DBR1: variants seen among roughly 807,000 people sequenced by gnomAD.
The protein encoded by DBR1 is lariat debranching enzyme.
A neutral mutation model predicts 45.9 loss-of-function variants in DBR1; 33 were observed. That is an observed-to-expected ratio of 0.72 (90% confidence interval 0.55 to 0.96). DBR1 has a LOEUF of 0.96. Among genes scored for constraint, DBR1 ranks in the 40% least tolerant of loss-of-function variants. DBR1 has a pLI of 0.00. For synonymous variants in DBR1, 235 were observed against 235.9 expected (o/e 1.00, Z 0.04); for missense variants, 619 against 667.4 (o/e 0.93, Z 0.80).
At position 138,161,933 on chromosome 3, in the gene DBR1, C is replaced by T. The variant is rs758912884; in HGVS notation, c.1591G>A (p.Ala531Thr). The T allele has an allele frequency of 4.3e-6, 7 of 1,614,032 alleles. No individual in the cohort carries two copies. The highest frequency in any genetic ancestry group is 5.9e-6 in the Non-Finnish European group (7 of 1,180,000). The stretch of plus-strand genomic sequence containing the variant: ...TCATCATCCACTGCAGCGTAAATGG[C>T]TTGATTCCTCCTCTTAATTTTCTTT... The part of the protein sequence containing the change: ...QRKKIKRRNQ[A>T]IYAAVDDDDD... Residue 531 changes from alanine (A) to threonine (T), a missense_variant, in exon 8 of 8, where the codon GCC (alanine) becomes ACC (threonine). Coordinates refer to ENST00000260803, the MANE Select transcript of DBR1 (RefSeq NM_016216.4).
At chr3:138,164,829 T>C (rs1383700210) in intron 5 of DBR1, among the ~76,000 whole-genome samples, 1 of 152,194 alleles carries the variant, frequency 6.6e-6, no homozygotes, top group East Asian at 1.9e-4. Flanking sequence ...GTATTTTTAG[T>C]AGAGATGGAG....
rs1010704738 is a variant in DBR1, at chr3:138,164,121, A to G, written c.715-263T>C. On this transcript the variant is annotated intron_variant, in intron 5 of 7. Transcript: ENST00000260803. ...GATGATGATGATGTTAACTCAAAGC[A>G]TTGAACACACATAAATCAAAGCATA... is the stretch of plus-strand genomic sequence containing the variant. 55 of 261,936 alleles carry G rather than the reference A, an allele frequency of 2.1e-4. No individual in the cohort carries two copies. In the Middle Eastern group the frequency reaches 5.2e-3, roughly 25 times the overall value. The allele number at this position is 261,936 out of a possible 1,614,324, so 16.2% of individuals were successfully genotyped here. A position where few individuals can be genotyped will look rare whatever the true frequency, so the allele number is the denominator to read the frequency against.
chr3:138,161,675 G>C lies in DBR1; in HGVS notation c.*214C>G. On this transcript the variant is annotated 3_prime_UTR_variant, in exon 8 of 8. Transcript: ENST00000260803. ...AGCCTGGCCAACACGGTGAAACCCT[G>C]TCATTACTAAAAATGCAAAAATTAG... The C allele has an allele frequency of 4.2e-6, 2 of 477,708 alleles. No homozygotes were observed. Among genetic ancestry groups the C allele is most frequent in the Non-Finnish European group, 7.6e-6 (2 of 261,770 alleles). 29.6% of individuals were successfully genotyped at this position (477,708 alleles called of 1,614,324 possible). A position where few individuals can be genotyped will look rare whatever the true frequency, so the allele number is the denominator to read the frequency against.
intron 5 of DBR1, among the ~76,000 whole-genome samples, chr3:138,166,494 C>T (rs1160664121): frequency 6.6e-6 from 1 of 152,166 alleles, no homozygotes; most frequent in African/African-American, 2.4e-5. Context: ...AAATAGCCTG[C>T]TCTGCCTCCC....
intron 5 of DBR1, among the ~76,000 whole-genome samples, chr3:138,166,818 T>C (rs1377480012): frequency 1.3e-5 from 2 of 152,206 alleles, no homozygotes; most frequent in African/African-American, 4.8e-5. Context: ...TCAGTTCAGC[T>C]ATCACCTTTT....
Position 138,162,300 on chromosome 3 carries a change from T to C in DBR1, c.1224A>G (p.Gly408=). 6.2e-7 allele frequency: 1 copy of C among 1,614,084 alleles called. No homozygotes were observed. Among genetic ancestry groups the C allele is most frequent in the Non-Finnish European group, 8.5e-7 (1 of 1,179,908 alleles). ...CTGTATTATATTCACTCTGGTCTTC[T>C]CCAGAGTCATTACTCTCCACATCAT... is the stretch of plus-strand genomic sequence containing the variant. ...EQDDVESNDS[G]EDQSEYNTDT... Residue 408 remains glycine, a synonymous_variant, in exon 8 of 8, where the codon GGA becomes GGG. Transcript: ENST00000260803.
chr3:138,170,324 A>AT (rs1442520012), intron 3 of DBR1, 132 bp from the exon 4 acceptor site: 2 of 585,358 alleles, frequency 3.4e-6, no homozygotes, highest in Admixed American at 7.7e-5. Flanking sequence ...ATCTAGGGAA[A>AT]TTTTTTAAAA....
chr3:138,167,414 T>C, intron 4 of DBR1, 109 bp from the exon 5 acceptor site: 1 of 703,248 alleles, frequency 1.4e-6, no homozygotes, highest in Non-Finnish European at 2.4e-6. Flanking sequence ...CTGAGATCTC[T>C]AGAATTCTGT....
chr3:138,174,250 C>T (rs2042968258), intron 1 of DBR1, among the ~76,000 whole-genome samples: 2 of 152,096 alleles, frequency 1.3e-5, no homozygotes, highest in African/African-American at 2.4e-5. Flanking sequence ...CTATCAAGTA[C>T]AAGGTAGCTA....
At chr3:138,163,305 T>A (rs1302205658) in intron 7 of DBR1, 44 bp downstream of exon 7, 1 of 1,595,810 alleles carries the variant, frequency 6.3e-7, no homozygotes, top group Non-Finnish European at 8.6e-7. Context: ...ATAAAAATTA[T>A]GCATGCAATG....
At position 138,174,829 on chromosome 3, in the gene DBR1, A is replaced by G. The variant is rs891292139; in HGVS notation, c.-34T>C. The stretch of plus-strand genomic sequence containing the variant: ...CCTGAGGAGGTGAGCGCTGCCTGCA[A>G]CGCCCTACACCACAGCCAGCCCAGG... On this transcript the variant is annotated 5_prime_UTR_variant, in exon 1 of 8. Coordinates refer to ENST00000260803, the MANE Select transcript of DBR1 (RefSeq NM_016216.4). 1.5e-5 allele frequency: 24 copies of G among 1,592,858 alleles called. No homozygotes were observed. Among genetic ancestry groups the G allele is most frequent in the African/African-American group, 2.7e-5 (2 of 74,598 alleles).
At chr3:138,162,974 G>A (rs2042914692) in intron 7 of DBR1, among the ~76,000 whole-genome samples, 1 of 152,140 alleles carries the variant, frequency 6.6e-6, no homozygotes, top group African/African-American at 2.4e-5. Context: ...AACAAAGGTG[G>A]AGGCCAGATA....
At chr3:138,162,693 A>G (rs1026855521) in intron 7 of DBR1, 111 bp from the exon 8 acceptor site, 1 of 954,326 alleles carries the variant, frequency 1.0e-6, no homozygotes, top group East Asian at 2.5e-5. Flanking sequence ...CCATCTATCA[A>G]AATTCCATTT....
At chr3:138,170,727 G>A (rs901037133) in intron 3 of DBR1, among the ~76,000 whole-genome samples, 5 of 152,208 alleles carry the variant, frequency 3.3e-5, no homozygotes, top group African/African-American at 4.8e-5. Flanking sequence ...AGTTTTAGCT[G>A]TCAATGTAAT....
At chr3:138,172,392 T>G (rs1195521720) in intron 2 of DBR1, among the ~76,000 whole-genome samples, 1 of 152,224 alleles carries the variant, frequency 6.6e-6, no homozygotes, top group East Asian at 1.9e-4. Flanking sequence ...GAGACCAGCC[T>G]GGACAACATG....
intron 1 of DBR1, among the ~76,000 whole-genome samples, chr3:138,174,024 A>G (rs1253244040): frequency 5.4e-5 from 1 of 18,642 alleles, no homozygotes; most frequent in African/African-American, 1.5e-4. Context: ...CTGTCTCAAG[A>G]AAAAAAAAAA....
Position 138,162,091 on chromosome 3 carries a change from G to A in DBR1, c.1433C>T (p.Ser478Phe). The A allele has an allele frequency of 6.2e-7, 1 of 1,614,124 alleles. No individual in the cohort carries two copies. The highest frequency in any genetic ancestry group is 8.5e-7 in the Non-Finnish European group (1 of 1,180,044). Residue 478 changes from serine to phenylalanine, a missense_variant, in exon 8 of 8, where the codon TCT (serine) becomes TTT (phenylalanine). Physicochemically the swap from Ser to Phe is radical, Grantham distance 155. Around this residue, in one of 3 missense-constraint regions of DBR1, gnomAD observed 182 missense variants for 196.1 expected, o/e 0.93. Transcript: ENST00000260803. ...TGTGGAATCCACCGTATCATCAGAA[G>A]ATACAATCATAGAGCCTGGCAAGAT... Reference protein sequence around the residue: ...VRILPGSMIVSSDDTVDSTID... With the variant: ...VRILPGSMIVFSDDTVDSTID...
rs1343295044 is a variant in DBR1 at position 138,163,338 on chromosome 3, G to A, written c.941+11C>T. ...ATGGAAAAAGCAGGTCCTAAATAAA[G>A]TCTGACTTACCTTGCATGCAGGCCA... On this transcript the variant is annotated intron_variant, in intron 7 of 7. Coordinates refer to ENST00000260803, the MANE Select transcript of DBR1 (RefSeq NM_016216.4). The A allele has an allele frequency of 1.2e-6, 2 of 1,608,522 alleles. No homozygotes were observed. The highest frequency in any genetic ancestry group is 1.7e-6 in the Non-Finnish European group (2 of 1,177,750).
Position 138,170,199 on chromosome 3 carries a change from T to C in DBR1, c.404-7A>G, listed in dbSNP as rs775105010. ...GGGGGGCACTCAAAATGACCTTAGA[T>C]TGAAGCAGAAAAATAAGCTATATTT... On this transcript the variant is annotated splice_region_variant and splice_polypyrimidine_tract_variant and intron_variant, in intron 3 of 7. Transcript: ENST00000260803. The C allele has an allele frequency of 3.2e-6, 5 of 1,541,444 alleles. No individual in the cohort carries two copies. The highest frequency in any genetic ancestry group is 1.8e-5 in the Admixed American group (1 of 54,374).
Sources: gnomAD v4.1 joint callset for allele counts (sites outside exome capture counted in the v4.1 genomes callset) on GRCh38, gnomAD v4.1.1 for gene constraint, gnomAD v4.1.1 regional missense constraint, MANE v1.5 for transcripts, NCBI Gene and HGNC (gene_info 2026-07-23, HGNC 2026-07-21) for gene names.